MAMDC2: variants seen among roughly 807,000 people sequenced by gnomAD.
The protein encoded by MAMDC2 is MAM domain-containing protein 2.
In MAMDC2, 57 loss-of-function variants were observed where a neutral mutation model predicts 89.8. The ratio of observed to expected loss-of-function variants is 0.63; its 90% CI spans 0.51 to 0.79. The LOEUF is 0.79. Among genes scored for constraint, MAMDC2 ranks in the 30% least tolerant of loss-of-function variants. The pLI, the probability that MAMDC2 is intolerant of heterozygous loss-of-function variation, is 0.00. For missense variants in MAMDC2, 800 were observed against 820.6 expected, an observed-to-expected ratio of 0.97 and a Z score of 0.31; for synonymous variants, 313 against 293.4, an observed-to-expected ratio of 1.07 and a Z score of -0.68.
chr9:70,115,989 A>G (rs2029966862), intron 5 of MAMDC2, among the ~76,000 whole-genome samples: 1 of 152,218 alleles, frequency 6.6e-6, no homozygotes, highest in Non-Finnish European at 1.5e-5. Context: ...ATATCTTAAG[A>G]ATCTAATACA....
chr9:70,156,948 C>CA (rs545865038), intron 9 of MAMDC2, among the ~76,000 whole-genome samples: 112 of 152,288 alleles, frequency 7.4e-4, no homozygotes, highest in Non-Finnish European at 1.5e-3. Flanking sequence ...TTTACACGAA[C>CA]ATAGTGTTTA....
At chr9:70,075,115 A>G (rs1230898667) in intron 2 of MAMDC2, among the ~76,000 whole-genome samples, 4 of 152,230 alleles carry the variant, frequency 2.6e-5, no homozygotes, top group African/African-American at 7.2e-5. Context: ...CCTAAAAGCA[A>G]TAATACTATT....
rs149363197 is a variant in MAMDC2, at chr9:70,180,432, T to C, written c.1651+9801T>C. Among the ~76,000 whole-genome samples the C allele has an allele frequency of 5.6e-3, 848 of 152,304 alleles. 9 individuals are homozygous for C. Among genetic ancestry groups the C allele is most frequent in the African/African-American group, 0.019 (800 of 41,558 alleles). ...TTTCTGGTTCTAGATCCTTGAAGAA[T>C]TGCCACACTGTCTCCCACAATGGTT... On this transcript the variant is annotated intron_variant, in intron 11 of 13. Coordinates refer to ENST00000377182, the MANE Select transcript of MAMDC2 (RefSeq NM_153267.5).
chr9:70,083,967 G>A (rs976059112), intron 2 of MAMDC2, among the ~76,000 whole-genome samples: 4 of 152,090 alleles, frequency 2.6e-5, no homozygotes, highest in African/African-American at 7.2e-5. Context: ...AATTGAGAGA[G>A]GGAGTTAGTT....
Position 70,226,727 on chromosome 9 carries a change from C to CT in MAMDC2, c.*703dup, listed in dbSNP as rs143845741. 0.018 allele frequency: 2,672 copies of CT among 151,994 alleles called. 42 individuals carry two copies. Among genetic ancestry groups the CT allele is most frequent in the Non-Finnish European group, 0.027 (1,812 of 67,846 alleles). 9.4% of individuals were successfully genotyped at this position (151,994 alleles called of 1,614,324 possible). On this transcript the variant is annotated 3_prime_UTR_variant, in exon 14 of 14. Coordinates refer to ENST00000377182, the MANE Select transcript of MAMDC2 (RefSeq NM_153267.5). The stretch of plus-strand genomic sequence containing the variant: ...TATGAGCACATGGATAGAAATTTAA[C>CT]TTTTTTTTGTAAAGCAAGCTTAAAA...
intron 12 of MAMDC2, among the ~76,000 whole-genome samples, chr9:70,225,228 T>G (rs940271996): frequency 4.6e-5 from 7 of 152,226 alleles, no homozygotes; most frequent in Non-Finnish European, 7.3e-5. Context: ...GATGTTATGG[T>G]ATTTAACATA....
At chr9:70,059,341 C>T (rs986891553) in intron 2 of MAMDC2, among the ~76,000 whole-genome samples, 4 of 152,056 alleles carry the variant, frequency 2.6e-5, no homozygotes, top group Non-Finnish European at 4.4e-5. Context: ...GTACCCCTTA[C>T]AAATGAAGAA....
intron 2 of MAMDC2, chr9:70,088,941 G>A (rs1827830002): frequency 6.6e-6 from 1 of 152,064 alleles, no homozygotes; most frequent in Admixed American, 6.6e-5. Context: ...TACTGAGAAT[G>A]TACACTACAC....
Position 70,170,513 on chromosome 9 carries a change from C to T in MAMDC2, c.1533C>T (p.Phe511=), listed in dbSNP as rs138814027. The change falls in exon 11 of 14, where the codon TTC becomes TTT. Residue 511 remains phenylalanine, a synonymous_variant. Coordinates refer to ENST00000377182, the MANE Select transcript of MAMDC2 (RefSeq NM_153267.5). ...CACCTCCACCTGGAGAGTGTACTTT[C>T]GAGCAAGATGAATGTACATTTACTC... ...KLPPPPGECT[F]EQDECTFTQE... 7.1e-4 allele frequency: 1,140 copies of T among 1,612,004 alleles called. 2 individuals are homozygous for T. Among genetic ancestry groups the T allele is most frequent in the Non-Finnish European group, 8.8e-4 (1,043 of 1,179,534 alleles).
rs938302423 is a variant in MAMDC2 at position 70,223,094 on chromosome 9, G to A, written c.1912-2656G>A. On this transcript the variant is annotated intron_variant, in intron 12 of 13. Coordinates refer to ENST00000377182, the MANE Select transcript of MAMDC2 (RefSeq NM_153267.5). The stretch of plus-strand genomic sequence containing the variant: ...GCAGAGGTTGCAGTGAGCTGATATC[G>A]CATCACTGCACTCCAGCTTGAGAGC... 5.0e-5 allele frequency among the ~76,000 whole-genome samples: 7 copies of A among 139,060 alleles called. No individual in the cohort carries two copies. The South Asian group carries it at 7.0e-4, about 14-fold the overall frequency. 91.2% of individuals were successfully genotyped at this position (139,060 alleles called of 152,430 possible).
intron 11 of MAMDC2, among the ~76,000 whole-genome samples, chr9:70,213,519 T>G (rs2033394650): frequency 6.6e-6 from 1 of 152,176 alleles, no homozygotes; most frequent in Non-Finnish European, 1.5e-5. Context: ...TGTACATAGT[T>G]AGGTGATATA....
At position 70,108,286 on chromosome 9, in the gene MAMDC2, C is replaced by A; in HGVS notation, c.224C>A (p.Ala75Asp). The A allele has an allele frequency of 6.2e-7, 1 of 1,614,012 alleles. No homozygotes were observed. The highest frequency in any genetic ancestry group is 8.5e-7 in the Non-Finnish European group (1 of 1,179,924). ...GTGCTGCTAAGTCCTGACTTACAGG[C>A]TGAGGAATGGAGCTGCCTCCGTTTG... ...KAVLLSPDLQAEEWSCLRLVY... is the reference protein window; with the variant it reads ...KAVLLSPDLQDEEWSCLRLVY... Residue 75 changes from alanine to aspartate, a missense_variant, in exon 3 of 14, where the codon GCT becomes GAT. By Grantham distance (126) the Ala-to-Asp change is moderately radical. Coordinates refer to ENST00000377182, the MANE Select transcript of MAMDC2 (RefSeq NM_153267.5).
intron 2 of MAMDC2, among the ~76,000 whole-genome samples, chr9:70,096,729 C>G (rs768496620): frequency 6.6e-6 from 1 of 151,972 alleles, no homozygotes; most frequent in Non-Finnish European, 1.5e-5. Flanking sequence ...AAGCTAGACC[C>G]AGACCCAATG....
chr9:70,199,128 A>G (rs1298803481), intron 11 of MAMDC2, among the ~76,000 whole-genome samples: 1 of 150,168 alleles, frequency 6.7e-6, no homozygotes, highest in East Asian at 2.0e-4. Context: ...ACATATGTAT[A>G]CATGTGCTGT....
Position 70,126,388 on chromosome 9 carries a change from C to G in MAMDC2, c.873C>G (p.Val291=). The change falls in exon 6 of 14, where the codon GTC becomes GTG. Residue 291 remains valine (V), a synonymous_variant. Coordinates refer to ENST00000377182, the MANE Select transcript of MAMDC2 (RefSeq NM_153267.5). The part of the protein sequence containing the change: ...PGNAAWNLAE[V]EFSAPYPMEV... Reference sequence around the variant, plus strand: ...ATGCTGCCTGGAACCTTGCGGAGGTCGAGTTCAGTGCTCCTTACCCCATGG... The same window carrying G: ...ATGCTGCCTGGAACCTTGCGGAGGTGGAGTTCAGTGCTCCTTACCCCATGG... 6.2e-7 allele frequency: 1 copy of G among 1,613,794 alleles called. No homozygotes were observed. The highest frequency in any genetic ancestry group is 8.5e-7 in the Non-Finnish European group (1 of 1,179,972).
intron 2 of MAMDC2, among the ~76,000 whole-genome samples, chr9:70,076,072 T>A (rs1827524548): frequency 6.6e-6 from 1 of 152,158 alleles, no homozygotes; most frequent in African/African-American, 2.4e-5. Context: ...TTGAGTCAGC[T>A]CTGGCCCCTT....
At chr9:70,072,225 A>G (rs146569464) in intron 2 of MAMDC2, among the ~76,000 whole-genome samples, 1 of 152,274 alleles carries the variant, frequency 6.6e-6, no homozygotes, top group African/African-American at 2.4e-5. Context: ...ACAATGTATC[A>G]TGTTTTCCTG....
At chr9:70,162,362 G>C (rs2032001642) in intron 9 of MAMDC2, among the ~76,000 whole-genome samples, 1 of 152,034 alleles carries the variant, frequency 6.6e-6, no homozygotes, top group Admixed American at 6.6e-5. Context: ...TTTGGTAGTT[G>C]TTAAACTATA....
intron 11 of MAMDC2, among the ~76,000 whole-genome samples, chr9:70,191,130 C>T (rs928137859): frequency 2.6e-5 from 4 of 152,200 alleles, no homozygotes; most frequent in African/African-American, 7.2e-5. Context: ...GAAGTTCAGT[C>T]AAGCAAAGAG....
Sources: allele counts gnomAD v4.1 joint callset (sites outside exome capture counted in the v4.1 genomes callset), GRCh38; gene constraint gnomAD v4.1.1; transcripts MANE v1.5; gene names NCBI Gene and HGNC (gene_info 2026-07-23, HGNC 2026-07-21).